Variants in PPARG observed in about 807,000 individuals in gnomAD.
The protein encoded by PPARG is peroxisome proliferator-activated receptor gamma.
In PPARG, 17 loss-of-function variants were observed where a neutral mutation model predicts 39.2. The observed-to-expected ratio is 0.43, with a 90% confidence interval of 0.30 to 0.65. The LOEUF (loss-of-function observed/expected upper bound fraction) is 0.65, where lower values mean the gene tolerates loss of function less well. PPARG is among the 30% of genes least tolerant of loss of function. PPARG has a pLI of 0.13. For missense variants in PPARG, 406 were observed against 585.9 expected, an observed-to-expected ratio of 0.69 and a Z score of 3.17; for synonymous variants, 223 against 215.7, an observed-to-expected ratio of 1.03 and a Z score of -0.30.
chr3:12,406,340 A>G, intron 6 of PPARG: 1 of 471,342 alleles, frequency 2.1e-6, no homozygotes, highest in Non-Finnish European at 3.9e-6. Context: ...CCTAACTTTA[A>G]TGAATGAACT....
At chr3:12,321,311 T>C (rs2047537549) in intron 2 of PPARG, among the ~76,000 whole-genome samples, 2 of 152,210 alleles carry the variant, frequency 1.3e-5, no homozygotes, top group South Asian at 4.1e-4. Context: ...CACTAATGAA[T>C]GTTCTTAATA....
chr3:12,397,950 G>C (rs1157582450), intron 5 of PPARG, among the ~76,000 whole-genome samples: 4 of 151,956 alleles, frequency 2.6e-5, no homozygotes, highest in African/African-American at 4.8e-5. Context: ...GCTGTTCCTG[G>C]AAAATGGCTT....
chr3:12,431,092 T>G (rs1358158173), intron 7 of PPARG, among the ~76,000 whole-genome samples: 1 of 152,094 alleles, frequency 6.6e-6, no homozygotes, highest in African/African-American at 2.4e-5. Context: ...TTGAAATCAA[T>G]ACGAGATAGA....
At chr3:12,318,766 A>G (rs1395598818) in intron 2 of PPARG, among the ~76,000 whole-genome samples, 1 of 152,118 alleles carries the variant, frequency 6.6e-6, no homozygotes, top group African/African-American at 2.4e-5. Flanking sequence ...CAAATAATAC[A>G]TATACAGTGT....
intron 7 of PPARG, among the ~76,000 whole-genome samples, chr3:12,419,244 C>T (rs1272080778): frequency 1.3e-5 from 2 of 151,928 alleles, no homozygotes; most frequent in Middle Eastern, 3.2e-3. Context: ...CATGCCCGGC[C>T]GACGTTATGT....
intron 2 of PPARG, among the ~76,000 whole-genome samples, chr3:12,340,020 G>C (rs2048135699): frequency 6.6e-6 from 1 of 152,154 alleles, no homozygotes; most frequent in Non-Finnish European, 1.5e-5. Flanking sequence ...ATCTCCCAGA[G>C]GCTACCTTCT....
chr3:12,297,317 A>G (rs1425993954), intron 1 of PPARG, among the ~76,000 whole-genome samples: 1 of 152,216 alleles, frequency 6.6e-6, no homozygotes, highest in East Asian at 1.9e-4. Context: ...ATGTATGTAT[A>G]TGAAAAAGTC....
At chr3:12,390,637 C>CTTTTTTTT (rs35190152) in intron 4 of PPARG, among the ~76,000 whole-genome samples, 35 of 92,374 alleles carry the variant, frequency 3.8e-4, no homozygotes, top group African/African-American at 4.5e-4. Context: ...TATTTTCTTC[C>CTTTTTTTT]TTTTTTTTTT....
At chr3:12,323,980 A>T (rs1051621752) in intron 2 of PPARG, among the ~76,000 whole-genome samples, 1 of 152,180 alleles carries the variant, frequency 6.6e-6, no homozygotes, top group Non-Finnish European at 1.5e-5. Context: ...TCAGTGGAGA[A>T]GGTGGGAATA....
At chr3:12,385,448 T>C (rs1044639598) in intron 4 of PPARG, among the ~76,000 whole-genome samples, 7 of 152,194 alleles carry the variant, frequency 4.6e-5, no homozygotes, top group Non-Finnish European at 7.4e-5. Context: ...TATGTTAATA[T>C]TGCAAACTTA....
At chr3:12,393,434 A>C (rs979084681) in intron 5 of PPARG, among the ~76,000 whole-genome samples, 4 of 152,116 alleles carry the variant, frequency 2.6e-5, no homozygotes, top group African/African-American at 9.7e-5. Context: ...ACCTGAGAAA[A>C]GACCCATGTT....
intron 2 of PPARG, among the ~76,000 whole-genome samples, chr3:12,360,212 A>G (rs942555509): frequency 2.0e-5 from 3 of 152,210 alleles, no homozygotes; most frequent in East Asian, 1.9e-4. Flanking sequence ...CGGTCTGGCT[A>G]TGTTGTTCAG....
chr3:12,379,901 A>G lies in PPARG; in HGVS notation c.190A>G (p.Lys64Glu), dbSNP rs764018224. 1 of 1,611,996 alleles carries G rather than the reference A, an allele frequency of 6.2e-7. No individual in the cohort carries two copies. Among genetic ancestry groups the G allele is most frequent in the Non-Finnish European group, 8.5e-7 (1 of 1,178,094 alleles). ...TRTDPVVADY[K>E]YDLKLQEYQS... ...AACAGATCCAGTGGTTGCAGATTAC[A>G]AGTATGACCTGAAACTTCAAGAGTA... is the stretch of plus-strand genomic sequence containing the variant. The change falls in exon 3 of 8, where the codon AAG becomes GAG. Residue 64 changes from lysine (K) to glutamate (E), a missense_variant. Lys to Glu is a moderately conservative substitution (Grantham distance 56). Around this residue, in one of 2 missense-constraint regions of PPARG, gnomAD observed 131 missense variants for 127.9 expected, o/e 1.02. Coordinates refer to ENST00000651735, the MANE Select transcript of PPARG (RefSeq NM_138711.6).
At chr3:12,379,173 T>G (rs930269635) in intron 2 of PPARG, among the ~76,000 whole-genome samples, 1 of 151,840 alleles carries the variant, frequency 6.6e-6, no homozygotes, top group Non-Finnish European at 1.5e-5. Flanking sequence ...CCCGGCCAAT[T>G]TTTGTATTTT....
At chr3:12,337,821 A>G (rs977770688) in intron 2 of PPARG, among the ~76,000 whole-genome samples, 5 of 152,254 alleles carry the variant, frequency 3.3e-5, no homozygotes, top group Non-Finnish European at 7.3e-5. Context: ...AAAATACGGT[A>G]TAAACAACTA....
Position 12,310,791 on chromosome 3 carries a change from TAAAAAAAAAAAAAAAAA to T in PPARG, c.-82-1572_-82-1556del, listed in dbSNP as rs761238501. On this transcript the variant is annotated intron_variant, in intron 1 of 7. Coordinates refer to ENST00000651735, the MANE Select transcript of PPARG (RefSeq NM_138711.6). ...CCCTTTTTAATAGTTGCCTTAAATG[TAAAAAAAAAAAAAAAAA>T]AAAAAAAAAAAAAAAACCCAAGTGG... Among the ~76,000 whole-genome samples the T allele has an allele frequency of 7.4e-3, 372 of 50,382 alleles. 6 individuals carry two copies. Among genetic ancestry groups the T allele is most frequent in the African/African-American group, 0.028 (342 of 12,286 alleles). 33.1% of individuals were successfully genotyped at this position (50,382 alleles called of 152,430 possible).
At chr3:12,373,990 C>G (rs1217226732) in intron 2 of PPARG, among the ~76,000 whole-genome samples, 1 of 152,148 alleles carries the variant, frequency 6.6e-6, no homozygotes. Flanking sequence ...CATGTTTAAC[C>G]TGGGCAGATA....
intron 2 of PPARG, chr3:12,372,261 A>C (rs2049245215): frequency 2.9e-6 from 2 of 678,298 alleles, no homozygotes; most frequent in South Asian, 1.6e-5. Flanking sequence ...ATAATTGTTT[A>C]ATATAGAACT....
At chr3:12,306,086 A>G (rs2047055540) in intron 1 of PPARG, 1 of 152,206 alleles carries the variant, frequency 6.6e-6, no homozygotes, top group South Asian at 2.1e-4. Context: ...TTTTGGCACC[A>G]GGGACTGGTT....
Sources: allele counts gnomAD v4.1 joint callset (sites outside exome capture counted in the v4.1 genomes callset), GRCh38; gene constraint gnomAD v4.1.1; regional missense constraint gnomAD v4.1.1; transcripts MANE v1.5; gene names NCBI Gene and HGNC (gene_info 2026-07-23, HGNC 2026-07-21).